The following CSMD1 variants were observed in gnomAD, a reference collection of about 807,000 sequenced individuals.
CSMD1 encodes the protein CUB and Sushi multiple domains 1.
CSMD1 carries 213 observed loss-of-function variants against 417.5 expected under a neutral mutation model. The observed-to-expected ratio is 0.51, with a 90% confidence interval of 0.46 to 0.57. The LOEUF is 0.57. Ranked by LOEUF, CSMD1 falls within the 20% of genes least tolerant of loss-of-function variation. The probability of loss-of-function intolerance (pLI) is 0.00; values close to 1 mark genes in which losing one functional copy is unlikely to be tolerated. For synonymous variants in CSMD1, 2,862 were observed against 1,736.8 expected (o/e 1.65, Z -16.11); for missense variants, 6,923 against 4,529.7 (o/e 1.53, Z -15.17).
chr8:3,303,799 C>G (rs1458238662), intron 25 of CSMD1, among the ~76,000 whole-genome samples: 1 of 152,198 alleles, frequency 6.6e-6, no homozygotes, highest in African/African-American at 2.4e-5. Flanking sequence ...AAATAACTTT[C>G]AATGGGGCTA....
intron 3 of CSMD1, among the ~76,000 whole-genome samples, chr8:4,196,523 T>A (rs905047951): frequency 6.6e-6 from 1 of 152,268 alleles, no homozygotes; most frequent in East Asian, 1.9e-4. Context: ...CACATTCCCA[T>A]TTCCTTGCTG....
chr8:4,177,049 G>C (rs892353464), intron 3 of CSMD1, among the ~76,000 whole-genome samples: 2 of 152,122 alleles, frequency 1.3e-5, no homozygotes, highest in Non-Finnish European at 1.5e-5. Flanking sequence ...AGGATATCCA[G>C]GAATTGAACT....
In CSMD1 at chr8:3,767,388, T is replaced by G. The variant is rs114642789; in HGVS notation, c.819-13346A>C. Among the ~76,000 whole-genome samples the G allele has an allele frequency of 5.7e-3, 875 of 152,322 alleles. 4 individuals are homozygous for G. Among genetic ancestry groups the G allele is most frequent in the African/African-American group, 0.019 (799 of 41,558 alleles). The stretch of plus-strand genomic sequence containing the variant: ...TTCCCATGTGGGTGACCTCAGGCCT[T>G]TACTCAGCCCTCCTAAACCTCAGAA... On this transcript the variant is annotated intron_variant, in intron 5 of 69. Coordinates refer to ENST00000635120, the MANE Select transcript of CSMD1 (RefSeq NM_033225.6).
At chr8:3,226,150 C>G (rs62502954) in intron 27 of CSMD1, among the ~76,000 whole-genome samples, 67,551 of 152,032 alleles carry the variant, frequency 0.44, 15,837 homozygotes, top group Admixed American at 0.56. Flanking sequence ...TGTCAGGATG[C>G]TCTGTTGTCC....
intron 37 of CSMD1, among the ~76,000 whole-genome samples, chr8:3,168,652 C>CACACAA (rs1181909133): frequency 1.3e-5 from 2 of 151,462 alleles, no homozygotes; most frequent in African/African-American, 4.9e-5. Context: ...CACACACACA[C>CACACAA]AAATATATAT....
rs896014595 is a variant in CSMD1, at chr8:2,935,760, G to C, written c.*2825C>G. On this transcript the variant is annotated 3_prime_UTR_variant, in exon 70 of 70. Coordinates refer to ENST00000635120, the MANE Select transcript of CSMD1 (RefSeq NM_033225.6). ...GTCGGCGATGACAATGGGTTTTCCT[G>C]ATCATAATGCCAGCGTTCTTTTTTT... The C allele has an allele frequency of 7.2e-5, 11 of 152,142 alleles. No homozygotes were observed. Among genetic ancestry groups the C allele is most frequent in the African/African-American group, 2.4e-4 (10 of 41,434 alleles). 9.4% of individuals were successfully genotyped at this position (152,142 alleles called of 1,614,324 possible).
At chr8:3,971,043 G>A (rs574422715) in intron 5 of CSMD1, among the ~76,000 whole-genome samples, 72 of 152,212 alleles carry the variant, frequency 4.7e-4, no homozygotes, top group Admixed American at 1.3e-3. Flanking sequence ...GAGTCACCGC[G>A]CCCGGCCTAC....
chr8:4,289,515 A>T (rs1405312995), intron 3 of CSMD1, among the ~76,000 whole-genome samples: 1 of 152,128 alleles, frequency 6.6e-6, no homozygotes, highest in East Asian at 1.9e-4. Flanking sequence ...CACTGTCAGT[A>T]TGAGCAAGAT....
chr8:3,086,564 T>C (rs1814547635), intron 49 of CSMD1, among the ~76,000 whole-genome samples: 3 of 152,156 alleles, frequency 2.0e-5, no homozygotes, highest in Non-Finnish European at 4.4e-5. Context: ...CTTCAAAGCC[T>C]TCAATTAAAA....
At chr8:4,731,027 G>A (rs553798353) in intron 1 of CSMD1, among the ~76,000 whole-genome samples, 1 of 152,136 alleles carries the variant, frequency 6.6e-6, no homozygotes, top group Non-Finnish European at 1.5e-5. Context: ...GGCCCAAGAC[G>A]CTAACGAATG....
rs1389819041 is a variant in CSMD1, at chr8:3,468,941, AC to A, written c.1449-118del. 3 of 616,128 alleles carry A rather than the reference AC, an allele frequency of 4.9e-6. No homozygotes were observed. In the East Asian group the frequency reaches 8.5e-5, roughly 17 times the overall value. The allele number at this position is 616,128 out of a possible 1,614,324, so 38.2% of individuals were successfully genotyped here. On this transcript the variant is annotated intron_variant, in intron 11 of 69. Coordinates refer to ENST00000635120, the MANE Select transcript of CSMD1 (RefSeq NM_033225.6). ...AAACCCTAGATATATAGGTAGCAAG[AC>A]CCTCTTTCAAAGACTGTACAGCCTC...
intron 41 of CSMD1, among the ~76,000 whole-genome samples, chr8:3,130,037 T>C (rs958331248): frequency 9.9e-5 from 15 of 151,958 alleles, no homozygotes; most frequent in African/African-American, 3.4e-4. Context: ...ATATTCAAAA[T>C]GTGGGAGACT....
Position 4,352,761 on chromosome 8 carries a change from T to C in CSMD1, c.415+67192A>G, listed in dbSNP as rs80104085. 4.2e-3 allele frequency among the ~76,000 whole-genome samples: 645 copies of C among 152,336 alleles called. 29 individuals carry two copies. The East Asian group carries it at 0.11, about 25-fold the overall frequency. ...TTTAAGAGTCATTTGATGGAAACCA[T>C]GGCAGACAAATCTACTGTTGGAATG... On this transcript the variant is annotated intron_variant, in intron 3 of 69. Transcript: ENST00000635120.
chr8:3,792,332 A>G (rs1377278375), intron 5 of CSMD1, among the ~76,000 whole-genome samples: 1 of 152,140 alleles, frequency 6.6e-6, no homozygotes, highest in East Asian at 1.9e-4. Context: ...GATAATAATA[A>G]TAAAATCAAT....
intron 1 of CSMD1, among the ~76,000 whole-genome samples, chr8:4,864,919 A>G (rs1802340515): frequency 6.9e-6 from 1 of 145,292 alleles, no homozygotes. Context: ...CACACTTGAT[A>G]TAACTGTTCT....
chr8:3,728,582 A>G (rs1802631708), intron 6 of CSMD1, among the ~76,000 whole-genome samples: 1 of 152,222 alleles, frequency 6.6e-6, no homozygotes, highest in Non-Finnish European at 1.5e-5. Context: ...GGTGTGACTG[A>G]CTTGCACATT....
intron 3 of CSMD1, among the ~76,000 whole-genome samples, chr8:4,144,363 A>G (rs914988956): frequency 2.6e-5 from 4 of 151,070 alleles, no homozygotes; most frequent in African/African-American, 9.9e-5. Context: ...TAATTTTCTG[A>G]TAAGGGTGTG....
At chr8:4,430,581 C>T (rs764467455) in intron 2 of CSMD1, among the ~76,000 whole-genome samples, 34 of 152,002 alleles carry the variant, frequency 2.2e-4, no homozygotes, top group Non-Finnish European at 4.4e-4. Context: ...AATAAATTTT[C>T]CCCAAATTGC....
intron 10 of CSMD1, among the ~76,000 whole-genome samples, chr8:3,564,136 C>T (rs559526911): frequency 6.6e-6 from 1 of 152,180 alleles, no homozygotes; most frequent in South Asian, 2.1e-4. Context: ...TGTATCTTTC[C>T]TTGTGTTTGG....
Sources: gnomAD v4.1 joint callset for allele counts (sites outside exome capture counted in the v4.1 genomes callset) on GRCh38, gnomAD v4.1.1 for gene constraint, MANE v1.5 for transcripts, NCBI Gene and HGNC (gene_info 2026-07-23, HGNC 2026-07-21) for gene names.